The following FANCE variants were observed in gnomAD, a reference collection of about 807,000 sequenced individuals.
FANCE encodes Fanconi anemia group E protein.
In FANCE, 42 loss-of-function variants were observed where a neutral mutation model predicts 57.8. The observed-to-expected ratio is 0.73, with a 90% CI of 0.57 to 0.94. The LOEUF (loss-of-function observed/expected upper bound fraction) is 0.94, where lower values mean the gene tolerates loss of function less well. Ranked by LOEUF, FANCE falls within the 40% of genes least tolerant of loss-of-function variation. The probability of loss-of-function intolerance (pLI) is 0.00; values close to 1 mark genes in which losing one functional copy is unlikely to be tolerated. For missense variants in FANCE, 608 were observed against 661.8 expected (o/e 0.92, Z 0.89); for synonymous variants, 251 against 286.4 (o/e 0.88, Z 1.25).
At chr6:35,461,456 C>T (rs1337375051) in intron 8 of FANCE, among the ~76,000 whole-genome samples, 4 of 152,174 alleles carry the variant, frequency 2.6e-5, no homozygotes, top group African/African-American at 9.7e-5. Context: ...CCGCCCCCCT[C>T]CAGAGATACC....
chr6:35,462,654 G>C, intron 8 of FANCE, 135 bp from the exon 9 acceptor site: 1 of 1,020,762 alleles, frequency 9.8e-7, no homozygotes. Context: ...GGAAATGGAG[G>C]TTTAGGTTGG....
chr6:35,452,651 G>A lies in FANCE; in HGVS notation c.106G>A (p.Gly36Arg). 8.0e-7 allele frequency: 1 copy of A among 1,245,598 alleles called. No individual in the cohort carries two copies. Among genetic ancestry groups the A allele is most frequent in the South Asian group, 3.6e-5 (1 of 27,670 alleles). The allele number at this position is 1,245,598 out of a possible 1,614,324, so 77.2% of individuals were successfully genotyped here. ...CCTCCTGCTGCAGGCGCTGCAGGCG[G>A]GGCCTGAGGGGGCGCGGCGCGGCCT... ...ARLLLQALQA[G>R]PEGARRGLGV... Residue 36 changes from glycine to arginine, a missense_variant, in exon 1 of 10, where the codon GGG becomes AGG. By Grantham distance (125) the Gly-to-Arg change is moderately radical (BLOSUM62 -2). Coordinates refer to ENST00000229769, the MANE Select transcript of FANCE (RefSeq NM_021922.3).
intron 6 of FANCE, 65 bp downstream of exon 6, chr6:35,459,519 C>T: frequency 6.2e-7 from 1 of 1,611,954 alleles, no homozygotes; most frequent in South Asian, 1.1e-5. Flanking sequence ...TCCTTCACCC[C>T]AGAGTGGCCC....
chr6:35,459,932 C>T (rs1767517912), intron 7 of FANCE, among the ~76,000 whole-genome samples, 172 bp downstream of exon 7: 1 of 152,138 alleles, frequency 6.6e-6, no homozygotes, highest in South Asian at 2.1e-4. Context: ...CTTTTGTTCT[C>T]ACGATGCACT....
chr6:35,458,117 G>T, intron 4 of FANCE, 133 bp downstream of exon 4: 1 of 1,196,490 alleles, frequency 8.4e-7, no homozygotes. Context: ...TCAGCGATAG[G>T]GGTCACCCTG....
chr6:35,455,604 C>T (rs1767294558), intron 1 of FANCE, 143 bp from the exon 2 acceptor site: 1 of 1,003,442 alleles, frequency 1.0e-6, no homozygotes, highest in East Asian at 2.4e-5. Context: ...AGTCACCACA[C>T]CTGGCCAACA....
chr6:35,458,159 CT>C (rs1554121680), intron 4 of FANCE, 137 bp from the exon 5 acceptor site: 18 of 1,343,558 alleles, frequency 1.3e-5, no homozygotes, highest in Non-Finnish European at 1.1e-6. Context: ...GTTCCTTCCC[CT>C]AGGGCAGCTC....
chr6:35,458,250 A>G (rs1237171863), intron 4 of FANCE, 47 bp from the exon 5 acceptor site: 1 of 1,609,398 alleles, frequency 6.2e-7, no homozygotes, highest in South Asian at 1.1e-5. Flanking sequence ...TAGCAGAGGC[A>G]GAGTGCATGT....
Position 35,456,412 on chromosome 6 carries a change from T to C in FANCE, c.855+59T>C. 6.2e-7 allele frequency: 1 copy of C among 1,608,312 alleles called. No homozygotes were observed. The highest frequency in any genetic ancestry group is 1.3e-5 in the African/African-American group (1 of 74,888). On this transcript the variant is annotated intron_variant, in intron 2 of 9. Coordinates refer to ENST00000229769, the MANE Select transcript of FANCE (RefSeq NM_021922.3). The surrounding 1 kb of genome is among the most constrained non-coding windows in gnomAD (Gnocchi z 4.3). ...CTTTCAGCAGTGGTGGCTTTATCCA[T>C]GGGGAAGGCTGCTTGGGACACTTTT...
At chr6:35,453,904 C>A (rs1407802929) in intron 1 of FANCE, among the ~76,000 whole-genome samples, 1 of 152,144 alleles carries the variant, frequency 6.6e-6, no homozygotes, top group Non-Finnish European at 1.5e-5. Context: ...CCTTTATAAT[C>A]CTAGATATTT....
At position 35,458,425 on chromosome 6, in the gene FANCE, C is replaced by A. The variant is rs769363785; in HGVS notation, c.1098C>A (p.Ser366Arg). Residue 366 changes from serine to arginine, a missense_variant, in exon 5 of 10, where the codon AGC (serine) becomes AGA (arginine). Physicochemically the swap from Ser to Arg is moderately radical, Grantham distance 110. Coordinates refer to ENST00000229769, the MANE Select transcript of FANCE (RefSeq NM_021922.3). ...SLSNATVLTRSLFLGRILSLT... is the reference protein window; with the variant it reads ...SLSNATVLTRRLFLGRILSLT... ...GCAATGCTACTGTGCTGACCAGAAG[C>A]CTCTTTCTTGGACGGGTAGGTGTAT... 2.5e-6 allele frequency: 4 copies of A among 1,614,136 alleles called. No individual in the cohort carries two copies. In the South Asian group the frequency reaches 4.4e-5, roughly 18 times the overall value.
In FANCE at chr6:35,467,014, C is replaced by T. The variant is rs1767864270; in HGVS notation, c.*669C>T. ...GGTACCAGTGGGCTCAGATGAAGCTCTTGTGCTCATGTATATTATGACCTT... is the reference window on the plus strand; with the variant it reads ...GGTACCAGTGGGCTCAGATGAAGCTTTTGTGCTCATGTATATTATGACCTT... On this transcript the variant is annotated 3_prime_UTR_variant, in exon 10 of 10. Transcript: ENST00000229769. The T allele has an allele frequency of 1.4e-5, 3 of 222,080 alleles. No homozygotes were observed. The South Asian group carries it at 5.4e-4, about 40-fold the overall frequency. 13.8% of individuals were successfully genotyped at this position (222,080 alleles called of 1,614,324 possible). A position where few individuals can be genotyped will look rare whatever the true frequency, so the allele number is the denominator to read the frequency against.
chr6:35,464,282 A>G (rs1474040098), intron 9 of FANCE, among the ~76,000 whole-genome samples: 1 of 117,712 alleles, frequency 8.5e-6, no homozygotes, highest in Non-Finnish European at 1.6e-5. Flanking sequence ...TCTGTTGCCC[A>G]GGCTAGAGTG....
chr6:35,452,622 C>A lies in FANCE; in HGVS notation c.77C>A (p.Ala26Asp). 7.8e-7 allele frequency: 1 copy of A among 1,280,538 alleles called. No individual in the cohort carries two copies. The highest frequency in any genetic ancestry group is 2.7e-5 in the South Asian group (1 of 36,548). The allele number at this position is 1,280,538 out of a possible 1,614,324, so 79.3% of individuals were successfully genotyped here. ...CCCTGGGCGCAGCTGGAGGCCCCCG[C>A]CCGCCTCCTGCTGCAGGCGCTGCAG... ...PAPWAQLEAPARLLLQALQAG... is the reference protein window; with the variant it reads ...PAPWAQLEAPDRLLLQALQAG... The change falls in exon 1 of 10, where the codon GCC (alanine) becomes GAC (aspartate). Residue 26 changes from alanine to aspartate, a missense_variant. Ala to Asp is a moderately radical substitution (Grantham distance 126, BLOSUM62 -2). Transcript: ENST00000229769.
rs529306792 is a variant in FANCE, at chr6:35,462,972, C to T, written c.1509+58C>T. Reference sequence around the variant, plus strand: ...GCTGGCAGGGCTGCCCTGGGCCTGCCACAAGGGTGTATGAATATGTATGTC... The same window carrying T: ...GCTGGCAGGGCTGCCCTGGGCCTGCTACAAGGGTGTATGAATATGTATGTC... On this transcript the variant is annotated intron_variant, in intron 9 of 9. Transcript: ENST00000229769. 223 of 1,610,720 alleles carry T rather than the reference C, an allele frequency of 1.4e-4. 4 individuals are homozygous for T. In the South Asian group the frequency reaches 2.4e-3, roughly 17 times the overall value.
At position 35,459,721 on chromosome 6, in the gene FANCE, T is replaced by C. The variant is rs1767510394; in HGVS notation, c.1277T>C (p.Met426Thr). The C allele has an allele frequency of 6.2e-7, 1 of 1,614,074 alleles. No homozygotes were observed. Among genetic ancestry groups the C allele is most frequent in the Non-Finnish European group, 8.5e-7 (1 of 1,180,048 alleles). Reference protein sequence around the residue: ...QTELLCCLVKMESLEPDAQVL... With the variant: ...QTELLCCLVKTESLEPDAQVL... ...GAGTTACTGTGTTGCCTTGTGAAGA[T>C]GGAGTCCCTGGAGCCAGATGCACAG... Residue 426 changes from methionine to threonine, a missense_variant, in exon 7 of 10, where the codon ATG (methionine) becomes ACG (threonine). Transcript: ENST00000229769.
At chr6:35,458,654 T>G (rs904433443) in intron 5 of FANCE, among the ~76,000 whole-genome samples, 1 of 151,512 alleles carries the variant, frequency 6.6e-6, no homozygotes, top group Non-Finnish European at 1.5e-5. Context: ...TTTTTTTTTT[T>G]TGAGAGAGAG....
intron 5 of FANCE, 89 bp from the exon 6 acceptor site, chr6:35,459,242 A>G (rs1767487704): frequency 1.3e-6 from 2 of 1,549,404 alleles, no homozygotes; most frequent in Non-Finnish European, 1.8e-6. Context: ...TTCCTTTGTA[A>G]CATGTATCAT....
At chr6:35,458,036 T>G in intron 4 of FANCE, 52 bp downstream of exon 4, 1 of 1,527,712 alleles carries the variant, frequency 6.5e-7, no homozygotes, top group Non-Finnish European at 9.1e-7. Context: ...GTCCCTTATC[T>G]TTTTCTATTT....
Sources: allele counts gnomAD v4.1 joint callset (sites outside exome capture counted in the v4.1 genomes callset), GRCh38; gene constraint gnomAD v4.1.1; non-coding constraint Gnocchi (gnomAD v3.1); transcripts MANE v1.5; gene names NCBI Gene and HGNC (gene_info 2026-07-23, HGNC 2026-07-21).